Variants in DNAH8 observed in about 807,000 individuals in gnomAD.
DNAH8 encodes the protein dynein axonemal heavy chain 8.
DNAH8 carries 382 observed loss-of-function variants against 562.1 expected under a neutral mutation model. The observed-to-expected ratio is 0.68, with a 90% CI of 0.63 to 0.74. The LOEUF is 0.74. Among genes scored for constraint, DNAH8 ranks in the 30% least tolerant of loss-of-function variants. The pLI is 0.00. For missense variants in DNAH8, 5,203 were observed against 5,620.4 expected (o/e 0.93, Z 2.37); for synonymous variants, 1,881 against 1,919.4 (o/e 0.98, Z 0.52).
At chr6:38,774,958 G>A (rs761927666) in intron 12 of DNAH8, among the ~76,000 whole-genome samples, 1 of 152,160 alleles carries the variant, frequency 6.6e-6, no homozygotes, top group Non-Finnish European at 1.5e-5. Flanking sequence ...AGTCCTTCTG[G>A]GTGGCCATAC....
Position 38,982,387 on chromosome 6 carries a change from C to T in DNAH8, c.12876C>T (p.Tyr4292=), listed in dbSNP as rs772259392. The change falls in exon 86 of 93, where the codon TAC becomes TAT. Residue 4292 remains tyrosine (Y), a synonymous_variant. Coordinates refer to ENST00000327475, the MANE Select transcript of DNAH8 (RefSeq NM_001206927.2). The part of the protein sequence containing the change: ...KFGPLGWNIP[Y]EFNSADFSAS... ...GCCCCTTAGGATGGAATATTCCCTA[C>T]GAATTCAATTCTGCTGACTTTTCAG... 20 of 1,611,428 alleles carry T rather than the reference C, an allele frequency of 1.2e-5. No homozygotes were observed. Among genetic ancestry groups the T allele is most frequent in the Admixed American group, 6.7e-5 (4 of 59,976 alleles).
intron 41 of DNAH8, 70 bp from the exon 42 acceptor site, chr6:38,857,448 C>T: frequency 1.0e-6 from 1 of 1,002,070 alleles, no homozygotes; most frequent in South Asian, 1.6e-5. Context: ...GAATAAGTGA[C>T]CACCAAATTT....
intron 8 of DNAH8, among the ~76,000 whole-genome samples, chr6:38,749,977 C>T (rs549650077): frequency 4.1e-4 from 62 of 152,292 alleles, no homozygotes; most frequent in African/African-American, 1.3e-3. Flanking sequence ...GGCCTACAGG[C>T]GCCCGCCGCC....
chr6:38,978,300 C>T (rs970760236), intron 85 of DNAH8, among the ~76,000 whole-genome samples: 1 of 152,064 alleles, frequency 6.6e-6, no homozygotes, highest in Non-Finnish European at 1.5e-5. Context: ...ATCAATAGGG[C>T]CCAGGGAATC....
intron 11 of DNAH8, among the ~76,000 whole-genome samples, chr6:38,766,669 A>G (rs975658334): frequency 1.3e-5 from 2 of 152,076 alleles, no homozygotes; most frequent in African/African-American, 4.8e-5. Flanking sequence ...TTGCTAAGAA[A>G]GTAGGTCACA....
At chr6:38,988,690 C>T (rs1764577527) in intron 87 of DNAH8, among the ~76,000 whole-genome samples, 1 of 152,098 alleles carries the variant, frequency 6.6e-6, no homozygotes, top group South Asian at 2.1e-4. Flanking sequence ...TTCCATTATT[C>T]CCTTAACCTG....
At chr6:39,013,791 C>T (rs1766383490) in intron 91 of DNAH8, among the ~76,000 whole-genome samples, 1 of 151,834 alleles carries the variant, frequency 6.6e-6, no homozygotes, top group Admixed American at 6.6e-5. Flanking sequence ...ATCAAGATTG[C>T]AGTGAGCCAT....
chr6:38,797,316 C>T (rs1770361695), intron 21 of DNAH8, among the ~76,000 whole-genome samples: 1 of 152,070 alleles, frequency 6.6e-6, no homozygotes, highest in Non-Finnish European at 1.5e-5. Flanking sequence ...CTTCTTAAGT[C>T]GAGTAAAGGC....
chr6:38,752,190 G>T (rs1765518735), intron 9 of DNAH8, among the ~76,000 whole-genome samples: 1 of 151,088 alleles, frequency 6.6e-6, no homozygotes, highest in African/African-American at 2.5e-5. Context: ...CCGGGATGGA[G>T]TCTCTCTCTG....
rs1199457741 is a variant in DNAH8, at chr6:38,932,215, C to CACACACACAT, written c.11457+224_11457+225insACACACATAC. Among the ~76,000 whole-genome samples, 1,199 of 150,680 alleles carry CACACACACAT rather than the reference C, an allele frequency of 8.0e-3. 12 individuals carry two copies. Among genetic ancestry groups the CACACACACAT allele is most frequent in the Middle Eastern group, 0.037 (11 of 294 alleles). ...ACACACACACACACACACACACACA[C>CACACACACAT]ACCCGTCTCTTTCTACTTCTGTCTT... On this transcript the variant is annotated intron_variant, in intron 76 of 92. Coordinates refer to ENST00000327475, the MANE Select transcript of DNAH8 (RefSeq NM_001206927.2).
Position 38,734,573 on chromosome 6 carries a change from T to A in DNAH8, c.710T>A (p.Phe237Tyr). Residue 237 changes from phenylalanine (F) to tyrosine (Y), a missense_variant, in exon 5 of 93, where the codon TTT becomes TAT. By Grantham distance (22) the Phe-to-Tyr change is conservative. Transcript: ENST00000327475. ...GATAAACTAAAAGGACTGTGCATATTTTTTGTTCGTTGCCGTAATGATGTT... is the reference window on the plus strand; with the variant it reads ...GATAAACTAAAAGGACTGTGCATATATTTTGTTCGTTGCCGTAATGATGTT... ...APDKLKGLCI[F>Y]FVRCRNDVAI... 1.2e-6 allele frequency: 2 copies of A among 1,613,788 alleles called. No individual in the cohort carries two copies. The highest frequency in any genetic ancestry group is 1.7e-6 in the Non-Finnish European group (2 of 1,179,968).
intron 65 of DNAH8, among the ~76,000 whole-genome samples, chr6:38,910,286 T>C (rs1311306921): frequency 2.0e-5 from 3 of 152,218 alleles, no homozygotes; most frequent in African/African-American, 7.2e-5. Flanking sequence ...TGAAAGCTGG[T>C]GTCAACCATG....
chr6:38,727,352 C>T (rs1461932907), intron 3 of DNAH8, among the ~76,000 whole-genome samples: 1 of 152,186 alleles, frequency 6.6e-6, no homozygotes, highest in African/African-American at 2.4e-5. Flanking sequence ...ACCTGGGCTC[C>T]CTTGTTCTCT....
intron 13 of DNAH8, among the ~76,000 whole-genome samples, chr6:38,776,168 A>T (rs1000540176): frequency 6.6e-6 from 1 of 152,162 alleles, no homozygotes; most frequent in African/African-American, 2.4e-5. Flanking sequence ...ATCCAATAAA[A>T]GACATCAGAG....
At chr6:38,764,680 A>G (rs541476591) in intron 11 of DNAH8, 4 of 152,332 alleles carry the variant, frequency 2.6e-5, no homozygotes, top group Admixed American at 6.5e-5. Context: ...GCTGAATGCA[A>G]ATGGAGCCGA....
In DNAH8 at chr6:38,894,554, G is replaced by A. The variant is rs542501030; in HGVS notation, c.8584-147G>A. The A allele has an allele frequency of 7.5e-5, 51 of 684,418 alleles. No homozygotes were observed. The South Asian group carries it at 8.2e-4, about 11-fold the overall frequency. 42.4% of individuals were successfully genotyped at this position (684,418 alleles called of 1,614,324 possible). Reference sequence around the variant, plus strand: ...GTTTATTTATGATTTTTTTCTGTCCGTGTTGTCACAAAATGTGAACTTAAT... The same window carrying A: ...GTTTATTTATGATTTTTTTCTGTCCATGTTGTCACAAAATGTGAACTTAAT... On this transcript the variant is annotated intron_variant, in intron 58 of 92. Coordinates refer to ENST00000327475, the MANE Select transcript of DNAH8 (RefSeq NM_001206927.2).
chr6:39,025,393 T>C (rs1035846731), intron 91 of DNAH8, among the ~76,000 whole-genome samples: 2 of 152,238 alleles, frequency 1.3e-5, no homozygotes, highest in African/African-American at 4.8e-5. Flanking sequence ...GGCCTCTTCA[T>C]CTTTGTGGTC....
intron 79 of DNAH8, among the ~76,000 whole-genome samples, chr6:38,944,537 AC>A (rs1236137049): frequency 6.6e-6 from 1 of 152,262 alleles, no homozygotes; most frequent in Non-Finnish European, 1.5e-5. Flanking sequence ...TCTGAATTAA[AC>A]AACAGTGGAG....
At chr6:38,989,926 A>T in intron 87 of DNAH8, 86 bp from the exon 88 acceptor site, 1 of 705,434 alleles carries the variant, frequency 1.4e-6, no homozygotes, top group Non-Finnish European at 2.4e-6. Context: ...GTTAAAATGG[A>T]AATAAGGTGG....
Sources: gnomAD v4.1 joint callset for allele counts (sites outside exome capture counted in the v4.1 genomes callset) on GRCh38, gnomAD v4.1.1 for gene constraint, MANE v1.5 for transcripts, NCBI Gene and HGNC (gene_info 2026-07-23, HGNC 2026-07-21) for gene names.